Variants in PIGF observed in about 807,000 individuals in gnomAD.
The protein encoded by PIGF is phosphatidylinositol glycan anchor biosynthesis class F.
In PIGF, 23 loss-of-function variants were observed where a neutral mutation model predicts 26.0. That is an observed-to-expected ratio of 0.88 (90% CI 0.64 to 1.25). The LOEUF is 1.25. Ranked by LOEUF, PIGF falls within the 50% of genes most tolerant of loss-of-function variation. The pLI is 0.00. For synonymous variants in PIGF, 93 were observed against 92.6 expected (o/e 1.00, Z -0.03); for missense variants, 278 against 249.9 (o/e 1.11, Z -0.76).
At chr2:46,585,268 A>G (rs1051762324) in intron 5 of PIGF, among the ~76,000 whole-genome samples, 1 of 152,200 alleles carries the variant, frequency 6.6e-6, no homozygotes, top group Non-Finnish European at 1.5e-5. Flanking sequence ...ACAAGGGCCC[A>G]AGCACTGGAG....
At chr2:46,593,070 CTTG>C (rs969644429) in intron 4 of PIGF, among the ~76,000 whole-genome samples, 27 of 151,760 alleles carry the variant, frequency 1.8e-4, no homozygotes, top group African/African-American at 6.5e-4. Flanking sequence ...CTTGTTTTTC[CTTG>C]TTAACAGCTG....
At chr2:46,591,868 T>G (rs1196929781) in intron 5 of PIGF, 1 of 1,303,646 alleles carries the variant, frequency 7.7e-7, no homozygotes, top group African/African-American at 1.5e-5. Flanking sequence ...AATCTGATGT[T>G]TGTGAGCTTT....
chr2:46,594,047 TTC>T (rs1056537231), intron 4 of PIGF, among the ~76,000 whole-genome samples: 1 of 152,248 alleles, frequency 6.6e-6, no homozygotes, highest in Non-Finnish European at 1.5e-5. Flanking sequence ...GGCTTTATTA[TTC>T]TTTTTTATTT....
intron 4 of PIGF, among the ~76,000 whole-genome samples, chr2:46,594,433 C>A (rs1165203820): frequency 7.1e-6 from 1 of 140,956 alleles, no homozygotes; most frequent in African/African-American, 2.9e-5. Context: ...AACTGGAGGA[C>A]TGGAGAAAAG....
intron 5 of PIGF, chr2:46,591,575 A>G: frequency 1.1e-6 from 1 of 944,730 alleles, no homozygotes; most frequent in Non-Finnish European, 1.3e-6. Flanking sequence ...ATAGATTCAA[A>G]GATTTTATCA....
chr2:46,614,453 C>G (rs571122143), intron 2 of PIGF: 2 of 156,468 alleles, frequency 1.3e-5, no homozygotes, highest in African/African-American at 4.8e-5. Context: ...AAGTGAATAT[C>G]TACTGCAGTG....
At chr2:46,598,528 G>GTTTTTTTTTTTTT (rs1558704671) in intron 4 of PIGF, among the ~76,000 whole-genome samples, 6 of 92,564 alleles carry the variant, frequency 6.5e-5, no homozygotes, top group South Asian at 3.4e-4. Flanking sequence ...AACATTATGA[G>GTTTTTTTTTTTTT]ATTTTTTTTT....
chr2:46,602,067 T>C (rs1258335161), intron 4 of PIGF, among the ~76,000 whole-genome samples: 2 of 151,928 alleles, frequency 1.3e-5, no homozygotes, highest in Non-Finnish European at 2.9e-5. Flanking sequence ...GCCAATGCAA[T>C]AACTGAATTA....
intron 4 of PIGF, among the ~76,000 whole-genome samples, chr2:46,599,876 C>T (rs1670001299): frequency 6.6e-6 from 1 of 152,140 alleles, no homozygotes; most frequent in Non-Finnish European, 1.5e-5. Context: ...CTTGCTCACA[C>T]TTCACATGGG....
At chr2:46,607,640 G>A (rs571585722) in intron 4 of PIGF, among the ~76,000 whole-genome samples, 4 of 152,034 alleles carry the variant, frequency 2.6e-5, no homozygotes, top group African/African-American at 9.6e-5. Context: ...ATGTGGCCTT[G>A]ATGTTGACGG....
At chr2:46,597,717 T>A (rs1669933870) in intron 4 of PIGF, among the ~76,000 whole-genome samples, 1 of 152,132 alleles carries the variant, frequency 6.6e-6, no homozygotes. Context: ...TGGCCCTGCC[T>A]CAGAATTTGG....
intron 4 of PIGF, among the ~76,000 whole-genome samples, chr2:46,601,820 T>G (rs1311672465): frequency 1.3e-5 from 2 of 152,000 alleles, no homozygotes; most frequent in African/African-American, 4.8e-5. Flanking sequence ...TAGGTCTTAT[T>G]GAATGTTTTC....
intron 1 of PIGF, 27 bp from the exon 2 acceptor site, chr2:46,615,212 A>G (rs762300950): frequency 6.7e-6 from 6 of 895,818 alleles, no homozygotes; most frequent in Middle Eastern, 2.2e-4. Flanking sequence ...AAAGAAGAGC[A>G]TATGCAATAA....
intron 4 of PIGF, among the ~76,000 whole-genome samples, chr2:46,597,987 T>G (rs972450647): frequency 6.6e-6 from 1 of 152,232 alleles, no homozygotes; most frequent in Non-Finnish European, 1.5e-5. Flanking sequence ...AAGACCTTGT[T>G]TGATCAGATC....
intron 4 of PIGF, among the ~76,000 whole-genome samples, chr2:46,596,663 TA>T (rs565826904): frequency 8.7e-4 from 128 of 146,530 alleles, no homozygotes; most frequent in Middle Eastern, 3.5e-3. Flanking sequence ...TACCTCAAAT[TA>T]AAAAAAAAAA....
Position 46,588,210 on chromosome 2 carries a change from T to G in PIGF, c.546+4265A>C. ...ATGTCAGACAGGATTGAAAATTATG[T>G]GAAATCCAAATACCCTAAATTGGCA... is the stretch of plus-strand genomic sequence containing the variant. On this transcript the variant is annotated intron_variant, in intron 5 of 5. Transcript: ENST00000281382. This position sits in a 1 kb window ranked among gnomAD's most constrained non-coding sequence, Gnocchi z 4.1. 6.2e-7 allele frequency: 1 copy of G among 1,609,272 alleles called. No individual in the cohort carries two copies. The highest frequency in any genetic ancestry group is 1.1e-5 in the South Asian group (1 of 90,460).
chr2:46,614,827 C>G, intron 2 of PIGF, 110 bp downstream of exon 2: 1 of 607,562 alleles, frequency 1.6e-6, no homozygotes, highest in Non-Finnish European at 3.0e-6. Context: ...ATATCAGGTT[C>G]CCTTTGCTCA....
In PIGF at chr2:46,588,165, T is replaced by C; in HGVS notation, c.546+4310A>G. The C allele has an allele frequency of 6.2e-7, 1 of 1,612,624 alleles. No homozygotes were observed. The highest frequency in any genetic ancestry group is 1.1e-5 in the South Asian group (1 of 90,944). On this transcript the variant is annotated intron_variant, in intron 5 of 5. Transcript: ENST00000281382. This position sits in a 1 kb window ranked among gnomAD's most constrained non-coding sequence, Gnocchi z 4.1. ...GGAGAGATCTATAAGTGCTACGTTT[T>C]CTTTCTACTGTCATCTGAAATGTCA...
At chr2:46,611,728 A>G (rs981061763) in intron 4 of PIGF, among the ~76,000 whole-genome samples, 3 of 152,222 alleles carry the variant, frequency 2.0e-5, no homozygotes, top group African/African-American at 7.2e-5. Flanking sequence ...ACGGCCACCA[A>G]GGAAATGAAA....
Sources: allele counts gnomAD v4.1 joint callset (sites outside exome capture counted in the v4.1 genomes callset), GRCh38; gene constraint gnomAD v4.1.1; non-coding constraint Gnocchi (gnomAD v3.1); transcripts MANE v1.5; gene names NCBI Gene and HGNC (gene_info 2026-07-23, HGNC 2026-07-21).